TRRAP: variants seen among roughly 807,000 people sequenced by gnomAD.
TRRAP encodes transformation/transcription domain-associated protein.
A neutral mutation model predicts 438.8 loss-of-function variants in TRRAP; 41 were observed. That is an observed-to-expected ratio of 0.09 (90% CI 0.07 to 0.12). TRRAP has a LOEUF of 0.12. Among genes scored for constraint, TRRAP ranks in the 10% least tolerant of loss-of-function variants. TRRAP has a pLI of 1.00. For missense variants in TRRAP, 3,122 were observed against 5,055.1 expected, an observed-to-expected ratio of 0.62 and a Z score of 11.60; for synonymous variants, 1,994 against 1,962.9, an observed-to-expected ratio of 1.02 and a Z score of -0.42.
At chr7:98,996,375 T>C (rs1793663264) in intron 67 of TRRAP, among the ~76,000 whole-genome samples, 1 of 152,226 alleles carries the variant, frequency 6.6e-6, no homozygotes, top group East Asian at 1.9e-4. Flanking sequence ...CGGGCTCTCT[T>C]GCCAGGTTCT....
At chr7:99,010,956 G>T in intron 70 of TRRAP, 96 bp from the exon 71 acceptor site, 1 of 1,253,688 alleles carries the variant, frequency 8.0e-7, no homozygotes, top group Non-Finnish European at 1.1e-6. Flanking sequence ...ATTTGCTCTT[G>T]GTGCTAAGTT....
In TRRAP at chr7:98,892,444, T is replaced by G; in HGVS notation, c.282T>G (p.Leu94=). Residue 94 remains leucine, a synonymous_variant, in exon 5 of 73, where the codon CTT becomes CTG. Coordinates refer to ENST00000456197, the MANE Select transcript of TRRAP (RefSeq NM_001375524.1). ...GCCAGCAACTGCGGAAGCTCGTACT[T>G]GAAATAATTCATAGAATACCAACCA... ...KPAQQLRKLV[L]EIIHRIPTNE... 7 of 1,611,842 alleles carry G rather than the reference T, an allele frequency of 4.3e-6. No individual in the cohort carries two copies. The highest frequency in any genetic ancestry group is 5.9e-6 in the Non-Finnish European group (7 of 1,179,552).
rs1554418103 is a variant in TRRAP at position 98,950,871 on chromosome 7, T to C, written c.5335-5T>C. ...TCTCCTTCTTTATTTAAATTTTTTT[T>C]GTAGGTTCTGCAGCATATCTTGAAT... On this transcript the variant is annotated splice_region_variant and splice_polypyrimidine_tract_variant and intron_variant, in intron 38 of 72. Transcript: ENST00000456197. The C allele has an allele frequency of 6.6e-7, 1 of 1,521,614 alleles. No individual in the cohort carries two copies. The highest frequency in any genetic ancestry group is 1.4e-5 in the African/African-American group (1 of 70,732). The allele number at this position is 1,521,614 out of a possible 1,614,324, so 94.3% of individuals were successfully genotyped here. A position where few individuals can be genotyped will look rare whatever the true frequency, so the allele number is the denominator to read the frequency against.
intron 67 of TRRAP, chr7:98,999,375 C>A: frequency 7.2e-7 from 1 of 1,379,796 alleles, no homozygotes; most frequent in South Asian, 1.2e-5. Context: ...CTGCACAGCT[C>A]TCTCATCCAC....
chr7:98,959,247 G>A (rs1652397656), intron 44 of TRRAP, 97 bp from the exon 45 acceptor site: 2 of 1,514,428 alleles, frequency 1.3e-6, no homozygotes, highest in Middle Eastern at 1.8e-4. Context: ...TCTGAGACAG[G>A]TGTAAGGGCC....
In TRRAP at chr7:98,927,376, G is replaced by A. The variant is rs111827344; in HGVS notation, c.3175+10G>A. On this transcript the variant is annotated intron_variant, in intron 23 of 72. Transcript: ENST00000456197. ...GTCGCCCAGCAGTGTGGTGAGCACG[G>A]GGGCACGGTGGGGCACGGGATTGGT... is the stretch of plus-strand genomic sequence containing the variant. 3,079 of 1,613,518 alleles carry A rather than the reference G, an allele frequency of 1.9e-3. 3 individuals carry two copies. The highest frequency in any genetic ancestry group is 2.2e-3 in the Non-Finnish European group (2,646 of 1,179,810).
At chr7:98,930,854 C>G (rs1282621789) in intron 25 of TRRAP, 24 bp downstream of exon 25, 1 of 1,613,264 alleles carries the variant, frequency 6.2e-7, no homozygotes, top group Non-Finnish European at 8.5e-7. Flanking sequence ...GGCCCCAAAC[C>G]TAACCATGCT....
chr7:98,949,719 G>A lies in TRRAP; in HGVS notation c.5013G>A (p.Val1671=), dbSNP rs145044726. ...DSWLASQHSL[V]SQLRRVWVSE... is the part of the protein sequence containing the mutation. Reference sequence around the variant, plus strand: ...GGCTGGCCAGCCAGCACTCTCTGGTGAGCCAGTTGCGACGTGTGTGGGTGA... The same window carrying A: ...GGCTGGCCAGCCAGCACTCTCTGGTAAGCCAGTTGCGACGTGTGTGGGTGA... The change falls in exon 37 of 73, where the codon GTG becomes GTA. Residue 1671 remains valine, a synonymous_variant. Coordinates refer to ENST00000456197, the MANE Select transcript of TRRAP (RefSeq NM_001375524.1). 47 of 1,614,070 alleles carry A rather than the reference G, an allele frequency of 2.9e-5. No homozygotes were observed. The Middle Eastern group carries it at 2.8e-3, about 96-fold the overall frequency.
chr7:98,934,998 G>C (rs984268363), intron 27 of TRRAP, among the ~76,000 whole-genome samples: 1 of 152,088 alleles, frequency 6.6e-6, no homozygotes, highest in Non-Finnish European at 1.5e-5. Context: ...GAAGAGAAGG[G>C]GGAAATAGTG....
At chr7:98,942,347 C>T (rs181233787) in intron 30 of TRRAP, among the ~76,000 whole-genome samples, 208 of 152,346 alleles carry the variant, frequency 1.4e-3, no homozygotes, top group African/African-American at 4.3e-3. Context: ...GCGTGGCCAC[C>T]GTTCCTTCTG....
intron 40 of TRRAP, among the ~76,000 whole-genome samples, chr7:98,953,909 T>C (rs372685467): frequency 1.3e-5 from 2 of 152,310 alleles, no homozygotes; most frequent in Admixed American, 6.5e-5. Flanking sequence ...ATTCCCACTC[T>C]GCTCTCTCGT....
rs546799766 is a variant in TRRAP at position 98,941,960 on chromosome 7, C to A, written c.4405-989C>A. On this transcript the variant is annotated intron_variant, in intron 30 of 72. Coordinates refer to ENST00000456197, the MANE Select transcript of TRRAP (RefSeq NM_001375524.1). ...CCCATTCCTGTTTTACTATGGAAAC[C>A]TTTTTAAAGCAGCTTGCTAACTTCC... is the stretch of plus-strand genomic sequence containing the variant. Among the ~76,000 whole-genome samples, 21 of 152,252 alleles carry A rather than the reference C, an allele frequency of 1.4e-4. 1 individual carries two copies. The highest frequency in any genetic ancestry group is 1.5e-5 in the Non-Finnish European group (1 of 68,014).
chr7:98,965,192 C>T (rs1792097900), intron 48 of TRRAP, among the ~76,000 whole-genome samples: 1 of 152,252 alleles, frequency 6.6e-6, no homozygotes. Flanking sequence ...TGTAAGAATG[C>T]AGAAATTTTA....
Position 99,005,342 on chromosome 7 carries a change from T to C in TRRAP, c.10747T>C (p.Phe3583Leu). Residue 3583 changes from phenylalanine (F) to leucine (L), a missense_variant, in exon 69 of 73, where the codon TTC becomes CTC. This residue lies in a region of TRRAP where 95 missense variants were observed against 144.1 expected (regional missense o/e 0.66). Transcript: ENST00000456197. This position sits in a 1 kb window ranked among gnomAD's most constrained non-coding sequence, Gnocchi z 5.1. ...RKETTKRHLF[F>L]TVPRVVAVSP... The stretch of plus-strand genomic sequence containing the variant: ...GGAGACCACCAAGAGGCACTTGTTT[T>C]TCACAGGTAGGGTTGAGAGCCACAG... The C allele has an allele frequency of 1.2e-6, 2 of 1,613,934 alleles. No individual in the cohort carries two copies. The highest frequency in any genetic ancestry group is 4.5e-5 in the East Asian group (2 of 44,866).
chr7:98,893,298 G>A (rs201908498), intron 5 of TRRAP, among the ~76,000 whole-genome samples: 2 of 152,120 alleles, frequency 1.3e-5, no homozygotes, highest in East Asian at 3.8e-4. Context: ...TGGGCCTATT[G>A]GAAAGATGAG....
chr7:98,948,835 G>A lies in TRRAP; in HGVS notation c.4788+150G>A. The A allele has an allele frequency of 8.3e-6, 11 of 1,326,736 alleles. No homozygotes were observed. Among genetic ancestry groups the A allele is most frequent in the Non-Finnish European group, 1.1e-5 (11 of 984,628 alleles). The allele number at this position is 1,326,736 out of a possible 1,614,324, so 82.2% of individuals were successfully genotyped here. A position where few individuals can be genotyped will look rare whatever the true frequency, so the allele number is the denominator to read the frequency against. ...AATATTGGAAACAGCATTGCTGTTT[G>A]GTTGTGTCTGTGAAATGTGCAGGTC... On this transcript the variant is annotated intron_variant, in intron 35 of 72. Coordinates refer to ENST00000456197, the MANE Select transcript of TRRAP (RefSeq NM_001375524.1). This position sits in a 1 kb window ranked among gnomAD's most constrained non-coding sequence, Gnocchi z 4.9.
intron 25 of TRRAP, 41 bp downstream of exon 25, chr7:98,930,871 G>C (rs1554412706): frequency 6.2e-7 from 1 of 1,611,096 alleles, no homozygotes. Flanking sequence ...TGCTGTTTTT[G>C]AAATGGTGGT....
chr7:98,899,030 A>C (rs1387640154), intron 8 of TRRAP, among the ~76,000 whole-genome samples: 1 of 152,138 alleles, frequency 6.6e-6, no homozygotes, highest in Non-Finnish European at 1.5e-5. Flanking sequence ...TCTACTAAAA[A>C]ACACAAAAAT....
In TRRAP at chr7:98,910,277, G is replaced by T. The variant is rs1199781217; in HGVS notation, c.1572G>T (p.Val524=). The T allele has an allele frequency of 1.5e-6, 2 of 1,351,396 alleles. No homozygotes were observed. Among genetic ancestry groups the T allele is most frequent in the East Asian group, 4.1e-5 (1 of 24,642 alleles). 83.7% of individuals were successfully genotyped at this position (1,351,396 alleles called of 1,614,324 possible). The change falls in exon 15 of 73, where the codon GTG becomes GTT. Residue 524 remains valine (V), a synonymous_variant. Coordinates refer to ENST00000456197, the MANE Select transcript of TRRAP (RefSeq NM_001375524.1). The part of the protein sequence containing the change: ...PPATPVTPAP[V]PPFEKQGEKD... ...CCACCCCTGTGACCCCGGCCCCCGT[G>T]CCTCCCTTCGAGAAGCAAGGAGAAA...
Sources: allele counts gnomAD v4.1 joint callset (sites outside exome capture counted in the v4.1 genomes callset), GRCh38; gene constraint gnomAD v4.1.1; regional missense constraint gnomAD v4.1.1; non-coding constraint Gnocchi (gnomAD v3.1); transcripts MANE v1.5; gene names NCBI Gene and HGNC (gene_info 2026-07-23, HGNC 2026-07-21).